NUBPL: variants seen among roughly 807,000 people sequenced by gnomAD.
NUBPL encodes the protein NUBP iron-sulfur cluster assembly factor, mitochondrial.
NUBPL carries 31 observed loss-of-function variants against 45.7 expected under a neutral mutation model. The ratio of observed to expected loss-of-function variants is 0.68; its 90% CI spans 0.51 to 0.92. The LOEUF is 0.92. NUBPL is among the 40% of genes least tolerant of loss of function. The pLI is 0.00. For missense variants in NUBPL, 401 were observed against 398.7 expected, an observed-to-expected ratio of 1.01 and a Z score of -0.05; for synonymous variants, 144 against 140.9, an observed-to-expected ratio of 1.02 and a Z score of -0.15.
chr14:31,669,807 TTG>T (rs150131196), intron 4 of NUBPL, among the ~76,000 whole-genome samples: 50,586 of 94,814 alleles, frequency 0.53, 14,262 homozygotes, highest in Admixed American at 0.59. Flanking sequence ...GTTTTTTTTT[TTG>T]TTTTTTTTTT....
Position 31,860,020 on chromosome 14 carries a change from G to A in NUBPL, c.*840G>A, listed in dbSNP as rs1461405255. 1 of 151,996 alleles carries A rather than the reference G, an allele frequency of 6.6e-6. No individual in the cohort carries two copies. The highest frequency in any genetic ancestry group is 1.5e-5 in the Non-Finnish European group (1 of 68,012). 9.4% of individuals were successfully genotyped at this position (151,996 alleles called of 1,614,324 possible). A position where few individuals can be genotyped will look rare whatever the true frequency, so the allele number is the denominator to read the frequency against. ...CTTTTGTTAATTAAAAAAAGTCGGT[G>A]GTGGCTAGGCGTGGTGGCTCACGCC... is the stretch of plus-strand genomic sequence containing the variant. On this transcript the variant is annotated 3_prime_UTR_variant, in exon 11 of 11. Transcript: ENST00000281081.
chr14:31,750,164 C>A (rs1050592538), intron 6 of NUBPL, among the ~76,000 whole-genome samples: 1 of 131,944 alleles, frequency 7.6e-6, no homozygotes, highest in South Asian at 2.7e-4. Context: ...AATTTTCTTA[C>A]AATCATTATT....
At chr14:31,743,938 C>T (rs1225557140) in intron 6 of NUBPL, among the ~76,000 whole-genome samples, 7 of 152,186 alleles carry the variant, frequency 4.6e-5, no homozygotes, top group Admixed American at 4.6e-4. Flanking sequence ...TGCTATGTCT[C>T]TTGCTATTGT....
intron 6 of NUBPL, among the ~76,000 whole-genome samples, chr14:31,702,085 T>C (rs753479694): frequency 2.6e-5 from 4 of 152,304 alleles, no homozygotes; most frequent in Admixed American, 6.5e-5. Flanking sequence ...CTGAAAGATG[T>C]TATACTCACA....
At chr14:31,733,967 A>G (rs1372979034) in intron 6 of NUBPL, among the ~76,000 whole-genome samples, 2 of 152,120 alleles carry the variant, frequency 1.3e-5, no homozygotes, top group African/African-American at 4.8e-5. Flanking sequence ...GAGAGTTGTT[A>G]TTATTAATGG....
intron 10 of NUBPL, among the ~76,000 whole-genome samples, chr14:31,855,905 G>T (rs988173771): frequency 7.9e-5 from 12 of 152,110 alleles, no homozygotes; most frequent in Admixed American, 7.9e-4. Context: ...TTCCTTATCT[G>T]TAAAGTCGGG....
At position 31,720,100 on chromosome 14, in the gene NUBPL, C is replaced by T. The variant is rs576628090; in HGVS notation, c.513+46526C>T. Among the ~76,000 whole-genome samples, 6 of 152,250 alleles carry T rather than the reference C, an allele frequency of 3.9e-5. No individual in the cohort carries two copies. In the South Asian group the frequency reaches 1.0e-3, roughly 26 times the overall value. Reference sequence around the variant, plus strand: ...GAAAGTGCCTAGATTATATGATTTTCCAGGCTAGTACCTTATTACTTTTAC... The same window carrying T: ...GAAAGTGCCTAGATTATATGATTTTTCAGGCTAGTACCTTATTACTTTTAC... On this transcript the variant is annotated intron_variant, in intron 6 of 10. Transcript: ENST00000281081.
chr14:31,705,147 C>T (rs10140944), intron 6 of NUBPL, among the ~76,000 whole-genome samples: 38,405 of 151,618 alleles, frequency 0.25, 10,284 homozygotes, highest in African/African-American at 0.68. Context: ...AAAGGTGGCG[C>T]GTCCGGAGTT....
chr14:31,807,091 T>G (rs1030027628), intron 7 of NUBPL, among the ~76,000 whole-genome samples: 2 of 152,234 alleles, frequency 1.3e-5, no homozygotes, highest in African/African-American at 4.8e-5. Flanking sequence ...TATGTGTGCA[T>G]GTGTCTTTAT....
intron 4 of NUBPL, among the ~76,000 whole-genome samples, chr14:31,620,455 G>T (rs1264546782): frequency 6.6e-6 from 1 of 152,094 alleles, no homozygotes; most frequent in Non-Finnish European, 1.5e-5. Context: ...TCCTTTGCAT[G>T]GGTTCTCTGA....
At chr14:31,613,723 T>G (rs1338799615) in intron 4 of NUBPL, among the ~76,000 whole-genome samples, 2 of 152,150 alleles carry the variant, frequency 1.3e-5, no homozygotes, top group African/African-American at 4.8e-5. Flanking sequence ...CCCAAAGTGC[T>G]GGGATTACAG....
chr14:31,777,749 C>G (rs1595614855), intron 6 of NUBPL, among the ~76,000 whole-genome samples: 1 of 152,164 alleles, frequency 6.6e-6, no homozygotes, highest in South Asian at 2.1e-4. Context: ...CCCAATTCAC[C>G]TGAGTGGTAG....
rs1426852891 is a variant in NUBPL, at chr14:31,813,474, C to CAT, written c.608-13143_608-13142dup. Reference sequence around the variant, plus strand: ...ACACACACACACACACACATACATACATATATATATATACACACATACATA... The same window carrying CAT: ...ACACACACACACACACACATACATACATATATATATATATACACACATACATA... On this transcript the variant is annotated intron_variant, in intron 7 of 10. Transcript: ENST00000281081. Among the ~76,000 whole-genome samples, 97 of 147,694 alleles carry CAT rather than the reference C, an allele frequency of 6.6e-4. 1 individual carries two copies. Among genetic ancestry groups the CAT allele is most frequent in the African/African-American group, 2.2e-3 (89 of 40,094 alleles).
At chr14:31,625,360 A>G (rs868040137) in intron 4 of NUBPL, among the ~76,000 whole-genome samples, 4 of 152,164 alleles carry the variant, frequency 2.6e-5, no homozygotes, top group Non-Finnish European at 5.9e-5. Context: ...GCAACATACT[A>G]TGTGTGACCC....
At chr14:31,849,886 G>C (rs1021502910) in intron 9 of NUBPL, among the ~76,000 whole-genome samples, 4 of 152,134 alleles carry the variant, frequency 2.6e-5, no homozygotes, top group African/African-American at 9.7e-5. Context: ...ACCTTGATGT[G>C]GTGCCACAGA....
chr14:31,623,780 G>C (rs1467012538), intron 4 of NUBPL, among the ~76,000 whole-genome samples: 1 of 152,144 alleles, frequency 6.6e-6, no homozygotes, highest in African/African-American at 2.4e-5. Context: ...AAGGGAGGGG[G>C]AATAGCAGGT....
At chr14:31,818,838 G>A (rs186042260) in intron 7 of NUBPL, among the ~76,000 whole-genome samples, 12 of 152,262 alleles carry the variant, frequency 7.9e-5, no homozygotes, top group East Asian at 3.9e-4. Context: ...GTGAGCTGCC[G>A]TGCCCAGCCA....
At chr14:31,819,214 AT>A (rs2039974970) in intron 7 of NUBPL, among the ~76,000 whole-genome samples, 1 of 152,210 alleles carries the variant, frequency 6.6e-6, no homozygotes, top group African/African-American at 2.4e-5. Flanking sequence ...AGAAAATTAT[AT>A]TTGGTATTGT....
chr14:31,577,888 G>A lies in NUBPL; in HGVS notation c.291+12840G>A, dbSNP rs2033756847. On this transcript the variant is annotated intron_variant, in intron 3 of 10. Transcript: ENST00000281081. The stretch of plus-strand genomic sequence containing the variant: ...TGTGGAGCCACCTTAGTGGTTTCAA[G>A]TAATGTCATTTCCTCCTCTATTGGT... 4 of 1,123,842 alleles carry A rather than the reference G, an allele frequency of 3.6e-6. No individual in the cohort carries two copies. In the South Asian group the frequency reaches 5.4e-5, roughly 15 times the overall value. The allele number at this position is 1,123,842 out of a possible 1,614,324, so 69.6% of individuals were successfully genotyped here.
Sources: gnomAD v4.1 joint callset for allele counts (sites outside exome capture counted in the v4.1 genomes callset) on GRCh38, gnomAD v4.1.1 for gene constraint, MANE v1.5 for transcripts, NCBI Gene and HGNC (gene_info 2026-07-23, HGNC 2026-07-21) for gene names.